HK1: variants seen among roughly 807,000 people sequenced by gnomAD.
HK1 encodes hexokinase-1.
A neutral mutation model predicts 91.6 loss-of-function variants in HK1; 28 were observed. The ratio of observed to expected loss-of-function variants is 0.31; its 90% CI spans 0.23 to 0.42. The LOEUF (loss-of-function observed/expected upper bound fraction) is 0.42. Among genes scored for constraint, HK1 ranks in the 10% least tolerant of loss-of-function variants. HK1 has a pLI of 1.00. For synonymous variants in HK1, 430 were observed against 468.1 expected, an observed-to-expected ratio of 0.92 and a Z score of 1.05; for missense variants, 770 against 1,219.8, an observed-to-expected ratio of 0.63 and a Z score of 5.49.
rs570952968 is a variant in HK1 at position 69,362,970 on chromosome 10, C to T, written c.376-1813C>T. 1.6e-3 allele frequency among the ~76,000 whole-genome samples: 244 copies of T among 152,298 alleles called. 1 individual carries two copies. The highest frequency in any genetic ancestry group is 5.4e-3 in the South Asian group (26 of 4,830). On this transcript the variant is annotated intron_variant, in intron 3 of 17. Coordinates refer to ENST00000359426, the MANE Select transcript of HK1 (RefSeq NM_000188.3). ...ACCAGGCGTTCTATTACTCTGGCAA[C>T]AAAGTCCGACTTTAGAGCTGGCTTG...
At position 69,401,193 on chromosome 10, in the gene HK1, C is replaced by T. The variant is rs182986436; in HGVS notation, c.*58C>T. ...GCACTTCTCTCTTCAAGCGGCGACC[C>T]CCTACCCTCCCAGCGAGTTGCGCTG... On this transcript the variant is annotated 3_prime_UTR_variant, in exon 18 of 18. Transcript: ENST00000359426. The T allele has an allele frequency of 1.1e-5, 18 of 1,567,768 alleles. No individual in the cohort carries two copies. The highest frequency in any genetic ancestry group is 9.2e-5 in the Admixed American group (5 of 54,190).
At chr10:69,306,007 A>G (rs1362529895) in intron 5 of HK1, among the ~76,000 whole-genome samples, 2 of 152,218 alleles carry the variant, frequency 1.3e-5, no homozygotes, top group African/African-American at 4.8e-5. Context: ...AAGCCACAGT[A>G]GGATCTGTGA....
At chr10:69,295,434 G>T (rs1845512749) in intron 3 of HK1, among the ~76,000 whole-genome samples, 1 of 152,214 alleles carries the variant, frequency 6.6e-6, no homozygotes, top group African/African-American at 2.4e-5. Context: ...ATAAATTCAT[G>T]AATTGCACAT....
intron 2 of HK1, among the ~76,000 whole-genome samples, chr10:69,353,836 T>C (rs1009462359): frequency 1.3e-5 from 2 of 152,018 alleles, no homozygotes; most frequent in African/African-American, 4.8e-5. Flanking sequence ...TAAATGTAAG[T>C]GAAGTGTTTT....
At chr10:69,355,435 A>G (rs1849080131) in intron 2 of HK1, among the ~76,000 whole-genome samples, 1 of 152,220 alleles carries the variant, frequency 6.6e-6, no homozygotes, top group Non-Finnish European at 1.5e-5. Flanking sequence ...TAATCAAGAC[A>G]TGTGGTACTG....
Position 69,379,579 on chromosome 10 carries a change from C to A in HK1, c.1032-283C>A, listed in dbSNP as rs148424978. ...CTGGGTGGTGGCAGCCATTTCGCCA[C>A]CTGTTCAGAGGCCACATAGTCTTGC... On this transcript the variant is annotated intron_variant, in intron 8 of 17. Coordinates refer to ENST00000359426, the MANE Select transcript of HK1 (RefSeq NM_000188.3). Among the ~76,000 whole-genome samples the A allele has an allele frequency of 2.9e-4, 44 of 152,306 alleles. 1 individual carries two copies. In the East Asian group the frequency reaches 7.5e-3, roughly 26 times the overall value.
intron 13 of HK1, among the ~76,000 whole-genome samples, chr10:69,388,163 T>C (rs1358128756): frequency 1.3e-5 from 2 of 152,182 alleles, no homozygotes; most frequent in Non-Finnish European, 2.9e-5. Flanking sequence ...TTGGGTGCAG[T>C]GACTCACACC....
Position 69,369,318 on chromosome 10 carries a change from G to A in HK1, c.673G>A (p.Glu225Lys), listed in dbSNP as rs1170767375. Residue 225 changes from glutamate (E) to lysine (K), a missense_variant, in exon 6 of 18, where the codon GAA becomes AAA. Glu to Lys is a moderately conservative substitution (Grantham distance 56, BLOSUM62 1). This residue lies in a region of HK1 where 449 missense variants were observed against 665.1 expected (regional missense o/e 0.68). Coordinates refer to ENST00000359426, the MANE Select transcript of HK1 (RefSeq NM_000188.3). The surrounding 1 kb of genome is among the most constrained non-coding windows in gnomAD (Gnocchi z 4.4). The stretch of plus-strand genomic sequence containing the variant: ...CTGTGGCTATGACGACCAGCACTGT[G>A]AAGTCGGCCTGATCATCGGTAATGC... ...MTCGYDDQHCEVGLIIGTGTN... is the reference protein window; with the variant it reads ...MTCGYDDQHCKVGLIIGTGTN... 6.2e-7 allele frequency: 1 copy of A among 1,614,172 alleles called. No individual in the cohort carries two copies. The highest frequency in any genetic ancestry group is 1.7e-5 in the Admixed American group (1 of 60,032).
At chr10:69,353,156 A>G (rs1316006978) in intron 2 of HK1, among the ~76,000 whole-genome samples, 2 of 152,160 alleles carry the variant, frequency 1.3e-5, no homozygotes, top group Non-Finnish European at 2.9e-5. Flanking sequence ...GCCAGGGGGA[A>G]CCAACCATGT....
At chr10:69,316,467 T>C (rs1846647965), upstream of HK1, among the ~76,000 whole-genome samples, 1 of 152,204 alleles carries the variant, frequency 6.6e-6, no homozygotes, top group South Asian at 2.1e-4. Context: ...GAGGTGGCAA[T>C]AGGTCAGGCC....
At chr10:69,318,097 T>A, upstream of HK1, 3 of 985,406 alleles carry the variant, frequency 3.0e-6, no homozygotes, top group Non-Finnish European at 3.6e-6. Context: ...GAGTGCGCCC[T>A]GAGGGAGAGC....
intron 2 of HK1, chr10:69,288,581 A>G: frequency 2.6e-6 from 2 of 758,080 alleles, no homozygotes; most frequent in Admixed American, 1.8e-5. Flanking sequence ...GGTTCTCAGT[A>G]TTAGGGTGTT....
rs1846857247 is a variant in HK1, at chr10:69,319,167, C to T, written c.63+157C>T. The T allele has an allele frequency of 2.4e-5, 21 of 881,170 alleles. No homozygotes were observed. In the South Asian group the frequency reaches 2.4e-4, roughly 10 times the overall value. The allele number at this position is 881,170 out of a possible 1,614,324, so 54.6% of individuals were successfully genotyped here. The stretch of plus-strand genomic sequence containing the variant: ...GCAAGGAAAGCCTTCGCCTTCGATT[C>T]TACCGGCATTGTCAGTGTCTCTGTG... On this transcript the variant is annotated intron_variant, in intron 1 of 17. Coordinates refer to ENST00000359426, the MANE Select transcript of HK1 (RefSeq NM_000188.3).
intron 8 of HK1, among the ~76,000 whole-genome samples, chr10:69,378,244 T>C (rs10998751): frequency 0.13 from 19,200 of 151,738 alleles, 1,505 homozygotes; most frequent in South Asian, 0.18. Flanking sequence ...ATTGACTCTT[T>C]GGTTACCAAG....
chr10:69,381,465 A>G (rs371293714), intron 9 of HK1, among the ~76,000 whole-genome samples: 2 of 151,996 alleles, frequency 1.3e-5, no homozygotes, highest in South Asian at 2.1e-4. Flanking sequence ...TGGACAAGAA[A>G]GCCTAGGGAT....
chr10:69,315,186 G>T (rs186136883), upstream of HK1, among the ~76,000 whole-genome samples: 9 of 152,324 alleles, frequency 5.9e-5, no homozygotes, highest in African/African-American at 2.2e-4. Flanking sequence ...AGCAATAAAT[G>T]AGAAATTGCT....
intron 1 of HK1, among the ~76,000 whole-genome samples, chr10:69,339,436 T>C (rs1375761878): frequency 6.6e-6 from 1 of 152,226 alleles, no homozygotes; most frequent in African/African-American, 2.4e-5. Flanking sequence ...CTTGCCTCAA[T>C]TGGGCCTCCC....
At chr10:69,274,652 C>A (rs1050067292) in intron 1 of HK1, among the ~76,000 whole-genome samples, 1 of 151,862 alleles carries the variant, frequency 6.6e-6, no homozygotes, top group Non-Finnish European at 1.5e-5. Context: ...TATTACAGGC[C>A]CTTTTTTCAA....
chr10:69,334,685 A>G (rs916646184), intron 1 of HK1, among the ~76,000 whole-genome samples: 5 of 152,036 alleles, frequency 3.3e-5, no homozygotes, highest in Admixed American at 6.5e-5. Flanking sequence ...GGTGCCTCCT[A>G]GGGCTCCTGG....
Sources: gnomAD v4.1 joint callset for allele counts (sites outside exome capture counted in the v4.1 genomes callset) on GRCh38, gnomAD v4.1.1 for gene constraint, gnomAD v4.1.1 regional missense constraint, Gnocchi (gnomAD v3.1) non-coding constraint, MANE v1.5 for transcripts, NCBI Gene and HGNC (gene_info 2026-07-23, HGNC 2026-07-21) for gene names.